The following BCL2 variants were observed in gnomAD, a reference collection of about 807,000 sequenced individuals.
The protein encoded by BCL2 is apoptosis regulator Bcl-2.
A neutral mutation model predicts 14.2 loss-of-function variants in BCL2; 1 was observed. The observed-to-expected ratio is 0.07, with a 90% CI of 0.02 to 0.33. The LOEUF (loss-of-function observed/expected upper bound fraction) is 0.33, where lower values mean the gene tolerates loss of function less well. Among genes scored for constraint, BCL2 ranks in the 10% least tolerant of loss-of-function variants. The pLI is 0.99. For missense variants in BCL2, 247 were observed against 305.9 expected, an observed-to-expected ratio of 0.81 and a Z score of 1.44; for synonymous variants, 151 against 137.2, an observed-to-expected ratio of 1.10 and a Z score of -0.70.
intron 2 of BCL2, among the ~76,000 whole-genome samples, chr18:63,179,615 G>GA (rs1175856243): frequency 6.6e-6 from 1 of 152,188 alleles, no homozygotes; most frequent in Admixed American, 6.5e-5. Context: ...GTAAGGAGGC[G>GA]AAGGTTCCCA....
In BCL2 at chr18:63,292,222, C is replaced by CAA. The variant is rs749093257; in HGVS notation, c.585+25858_585+25859dup. On this transcript the variant is annotated intron_variant, in intron 2 of 2. Transcript: ENST00000333681. ...CTCCTAGCCCCAGCCAACCCCAGTG[C>CAA]AAAAAAAAAAAAAAAAAAAAATCAT... Among the ~76,000 whole-genome samples the CAA allele has an allele frequency of 3.1e-3, 177 of 56,362 alleles. 1 individual carries two copies. Among genetic ancestry groups the CAA allele is most frequent in the African/African-American group, 8.7e-3 (152 of 17,554 alleles). 37.0% of individuals were successfully genotyped at this position (56,362 alleles called of 152,430 possible). A position where few individuals can be genotyped will look rare whatever the true frequency, so the allele number is the denominator to read the frequency against.
At chr18:63,210,079 AC>A (rs1256140353) in intron 2 of BCL2, among the ~76,000 whole-genome samples, 1 of 152,176 alleles carries the variant, frequency 6.6e-6, no homozygotes, top group African/African-American at 2.4e-5. Flanking sequence ...TCAGGAAGAA[AC>A]CATCCAGCTT....
intron 2 of BCL2, among the ~76,000 whole-genome samples, chr18:63,214,601 C>T (rs1294764443): frequency 6.6e-6 from 1 of 151,834 alleles, no homozygotes; most frequent in Non-Finnish European, 1.5e-5. Context: ...AAATTTCTAG[C>T]TGCCACACTA....
intron 2 of BCL2, among the ~76,000 whole-genome samples, chr18:63,153,843 T>G (rs7230970): frequency 6.6e-6 from 1 of 151,966 alleles, no homozygotes; most frequent in Non-Finnish European, 1.5e-5. Context: ...GGAGGGCAGC[T>G]GAAATGGGAC....
intron 2 of BCL2, among the ~76,000 whole-genome samples, chr18:63,204,833 TCAAGATATACTGTTAAATTAACAGGG>T (rs903257699): frequency 3.7e-4 from 57 of 152,276 alleles, no homozygotes; most frequent in African/African-American, 1.3e-3. Context: ...TGGTAAAATC[TCAAGATATACTGTTAAATTAACAGGG>T]CAAACAGTAA....
rs926062888 is a variant in BCL2 at position 63,290,970 on chromosome 18, T to C, written c.585+27112A>G. Among the ~76,000 whole-genome samples, 10 of 152,002 alleles carry C rather than the reference T, an allele frequency of 6.6e-5. No individual in the cohort carries two copies. In the South Asian group the frequency reaches 2.1e-3, roughly 32 times the overall value. ...TGGTGATAAAGCGGCTCACCATCTG[T>C]GAACTCCTCCTCCACAGAAGAGTGA... On this transcript the variant is annotated intron_variant, in intron 2 of 2. Transcript: ENST00000333681.
intron 2 of BCL2, among the ~76,000 whole-genome samples, chr18:63,135,818 C>T (rs552548757): frequency 1.4e-4 from 21 of 152,282 alleles, no homozygotes; most frequent in African/African-American, 5.1e-4. Context: ...TCTCTGCCCT[C>T]CTAGAAAAGC....
chr18:63,300,938 G>C (rs1037745072), intron 2 of BCL2, among the ~76,000 whole-genome samples: 27 of 152,098 alleles, frequency 1.8e-4, no homozygotes, highest in African/African-American at 6.5e-4. Context: ...TATATTTGCT[G>C]TTTCTATTGG....
intron 2 of BCL2, among the ~76,000 whole-genome samples, chr18:63,185,249 T>C (rs554973403): frequency 3.9e-4 from 60 of 152,356 alleles, no homozygotes; most frequent in African/African-American, 1.4e-3. Flanking sequence ...CTTAAAAGGA[T>C]TTCTGAAGGA....
intron 2 of BCL2, among the ~76,000 whole-genome samples, chr18:63,134,702 G>A (rs1914164246): frequency 6.6e-6 from 1 of 152,220 alleles, no homozygotes; most frequent in South Asian, 2.1e-4. Flanking sequence ...ACACTCTAGA[G>A]AGAGGTAATG....
At chr18:63,159,572 A>G (rs979643356) in intron 2 of BCL2, among the ~76,000 whole-genome samples, 1 of 152,236 alleles carries the variant, frequency 6.6e-6, no homozygotes, top group East Asian at 1.9e-4. Context: ...TAATTTTGAT[A>G]GAATGTAACA....
chr18:63,290,113 G>C (rs1340459055), intron 2 of BCL2, among the ~76,000 whole-genome samples: 2 of 152,120 alleles, frequency 1.3e-5, no homozygotes, highest in Admixed American at 1.3e-4. Flanking sequence ...TTTTGAGCCT[G>C]GGTGATCGGA....
rs956564561 is a variant in BCL2 at position 63,319,424 on chromosome 18, GAA to G, written c.-539_-538del. ...CCAACCGGAGATCTCAAGAGCTCGA[GAA>G]AAAAAAAAGGCAGCGGCGGCGGCAG... On this transcript the variant is annotated 5_prime_UTR_variant, in exon 1 of 3. Coordinates refer to ENST00000333681, the MANE Select transcript of BCL2 (RefSeq NM_000633.3). The G allele has an allele frequency of 1.9e-5, 4 of 211,918 alleles. No individual in the cohort carries two copies. The highest frequency in any genetic ancestry group is 3.8e-5 in the Non-Finnish European group (4 of 106,312). The allele number at this position is 211,918 out of a possible 1,614,324, so 13.1% of individuals were successfully genotyped here.
At chr18:63,245,387 C>T (rs1911124850) in intron 2 of BCL2, among the ~76,000 whole-genome samples, 2 of 119,200 alleles carry the variant, frequency 1.7e-5, no homozygotes, top group Admixed American at 8.4e-5. Context: ...ATTCTCAGTG[C>T]CAATACATTT....
At chr18:63,244,002 G>A (rs1398016208) in intron 2 of BCL2, among the ~76,000 whole-genome samples, 1 of 152,184 alleles carries the variant, frequency 6.6e-6, no homozygotes, top group African/African-American at 2.4e-5. Flanking sequence ...CCAGCACTTT[G>A]GGAGACCACA....
At chr18:63,235,864 C>T (rs1239709016) in intron 2 of BCL2, among the ~76,000 whole-genome samples, 1 of 151,302 alleles carries the variant, frequency 6.6e-6, no homozygotes, top group East Asian at 2.0e-4. Context: ...TGTGTGTATC[C>T]TTAAACTATA....
chr18:63,138,971 C>T (rs2144595115), intron 2 of BCL2, among the ~76,000 whole-genome samples: 1 of 152,306 alleles, frequency 6.6e-6, no homozygotes, highest in Non-Finnish European at 1.5e-5. Context: ...AAATAATGTG[C>T]AAAGATGGCT....
At chr18:63,220,688 A>C (rs541313795) in intron 2 of BCL2, among the ~76,000 whole-genome samples, 1 of 152,352 alleles carries the variant, frequency 6.6e-6, no homozygotes, top group East Asian at 1.9e-4. Flanking sequence ...TGAATTCATC[A>C]TATGGTGCTA....
chr18:63,130,672 T>C (rs1225827949), intron 2 of BCL2, among the ~76,000 whole-genome samples: 1 of 152,232 alleles, frequency 6.6e-6, no homozygotes, highest in Non-Finnish European at 1.5e-5. Context: ...TTTCATGATA[T>C]ATAAAATGTG....
Sources: gnomAD v4.1 joint callset for allele counts (sites outside exome capture counted in the v4.1 genomes callset) on GRCh38, gnomAD v4.1.1 for gene constraint, MANE v1.5 for transcripts, NCBI Gene and HGNC (gene_info 2026-07-23, HGNC 2026-07-21) for gene names.